The following AASDHPPT variants were observed in gnomAD, a reference collection of about 807,000 sequenced individuals.
The protein encoded by AASDHPPT is L-aminoadipate-semialdehyde dehydrogenase-phosphopantetheinyl transferase.
Under a neutral mutation model 36.4 loss-of-function variants are expected in AASDHPPT, and 23 were observed. The observed-to-expected ratio is 0.63, with a 90% CI of 0.45 to 0.89. AASDHPPT has a LOEUF of 0.89. Ranked by LOEUF, AASDHPPT falls within the 40% of genes least tolerant of loss-of-function variation. The probability of loss-of-function intolerance (pLI) is 0.00; values close to 1 mark genes in which losing one functional copy is unlikely to be tolerated. For missense variants in AASDHPPT, 377 were observed against 378.2 expected, an observed-to-expected ratio of 1.00 and a Z score of 0.03; for synonymous variants, 115 against 128.0, an observed-to-expected ratio of 0.90 and a Z score of 0.68.
At chr11:106,090,414 GT>G (rs1352660399) in intron 2 of AASDHPPT, 142 bp from the exon 3 acceptor site, 2 of 586,762 alleles carry the variant, frequency 3.4e-6, no homozygotes, top group Non-Finnish European at 5.4e-6. Flanking sequence ...CCGAGATTTT[GT>G]TTAGGATTAT....
chr11:106,088,373 C>T (rs749831564), intron 2 of AASDHPPT, among the ~76,000 whole-genome samples: 3 of 152,044 alleles, frequency 2.0e-5, no homozygotes, highest in Non-Finnish European at 4.4e-5. Flanking sequence ...TGACAAAATG[C>T]GTATCTTTTT....
At chr11:106,081,708 GGGCA>G (rs1861143036) in intron 2 of AASDHPPT, among the ~76,000 whole-genome samples, 1 of 152,046 alleles carries the variant, frequency 6.6e-6, no homozygotes, top group African/African-American at 2.4e-5. Flanking sequence ...TTAACTTGAT[GGGCA>G]GTGTTGGCTA....
At chr11:106,087,100 T>C (rs1419338615) in intron 2 of AASDHPPT, among the ~76,000 whole-genome samples, 1 of 152,208 alleles carries the variant, frequency 6.6e-6, no homozygotes, top group Non-Finnish European at 1.5e-5. Flanking sequence ...TAGGACTGCC[T>C]AAATGGTGAG....
At chr11:106,079,874 GACTT>G (rs1236412900) in intron 2 of AASDHPPT, among the ~76,000 whole-genome samples, 182 bp downstream of exon 2, 1 of 152,124 alleles carries the variant, frequency 6.6e-6, no homozygotes, top group Non-Finnish European at 1.5e-5. Context: ...AATATTTACA[GACTT>G]ACACATAAAT....
At position 106,091,228 on chromosome 11, in the gene AASDHPPT, T is replaced by C. The variant is rs972553175; in HGVS notation, c.532-88T>C. 3 of 1,203,906 alleles carry C rather than the reference T, an allele frequency of 2.5e-6. 1 individual carries two copies. Among genetic ancestry groups the C allele is most frequent in the South Asian group, 3.0e-5 (2 of 66,068 alleles). 74.6% of individuals were successfully genotyped at this position (1,203,906 alleles called of 1,614,324 possible). A position where few individuals can be genotyped will look rare whatever the true frequency, so the allele number is the denominator to read the frequency against. ...TATATAGCCATAATGTAGTATAGCA[T>C]TGAAACTCCCTATCTTTTGGACCTG... On this transcript the variant is annotated intron_variant, in intron 3 of 5. Transcript: ENST00000278618.
intron 2 of AASDHPPT, among the ~76,000 whole-genome samples, chr11:106,089,020 G>T (rs1429636904): frequency 6.6e-6 from 1 of 152,008 alleles, no homozygotes; most frequent in Non-Finnish European, 1.5e-5. Flanking sequence ...TGTGGGAAAG[G>T]TATTTGGTTA....
intron 2 of AASDHPPT, among the ~76,000 whole-genome samples, chr11:106,083,137 T>A (rs921456869): frequency 6.6e-6 from 1 of 152,136 alleles, no homozygotes; most frequent in Non-Finnish European, 1.5e-5. Context: ...GAAAACCAAG[T>A]CTCCACCCTC....
At chr11:106,090,814 G>T in intron 3 of AASDHPPT, 136 bp downstream of exon 3, 2 of 1,219,036 alleles carry the variant, frequency 1.6e-6, no homozygotes, top group South Asian at 1.8e-5. Context: ...GAATTTTATG[G>T]TTTTTATGCA....
At chr11:106,079,320 CTTAA>C (rs1485767985) in intron 1 of AASDHPPT, 143 bp from the exon 2 acceptor site, 5 of 645,382 alleles carry the variant, frequency 7.7e-6, no homozygotes, top group East Asian at 5.9e-5. Flanking sequence ...TTGCTTAAGT[CTTAA>C]TTAACGTGTG....
chr11:106,084,597 C>T (rs747011606), intron 2 of AASDHPPT, among the ~76,000 whole-genome samples: 1 of 151,820 alleles, frequency 6.6e-6, no homozygotes, highest in Admixed American at 6.6e-5. Context: ...AGCCACTGTG[C>T]CCAGCCAATA....
intron 1 of AASDHPPT, 131 bp downstream of exon 1, chr11:106,078,024 C>G: frequency 8.4e-7 from 1 of 1,191,066 alleles, no homozygotes; most frequent in South Asian, 1.6e-5. Flanking sequence ...CCGGCCCGGG[C>G]GACAGCAGCC....
chr11:106,096,560 T>A (rs1861316170), intron 5 of AASDHPPT, 183 bp from the exon 6 acceptor site: 1 of 437,664 alleles, frequency 2.3e-6, no homozygotes, highest in African/African-American at 2.1e-5. Context: ...TCTATTTCAT[T>A]TTTTTTTGAT....
chr11:106,085,242 C>T (rs557959440), intron 2 of AASDHPPT, among the ~76,000 whole-genome samples: 1 of 152,250 alleles, frequency 6.6e-6, no homozygotes. Context: ...GCTGGGACTA[C>T]AGGCACTTGC....
intron 4 of AASDHPPT, chr11:106,093,454 G>A (rs1032566401): frequency 1.3e-5 from 2 of 151,950 alleles, no homozygotes; most frequent in Admixed American, 1.3e-4. Context: ...AACAGAACAG[G>A]GCTACATAGC....
At position 106,079,703 on chromosome 11, in the gene AASDHPPT, A is replaced by T. The variant is rs1861113907; in HGVS notation, c.409+11A>T. The T allele has an allele frequency of 6.2e-7, 1 of 1,610,630 alleles. No individual in the cohort carries two copies. Among genetic ancestry groups the T allele is most frequent in the Admixed American group, 1.7e-5 (1 of 59,980 alleles). On this transcript the variant is annotated intron_variant, in intron 2 of 5. Coordinates refer to ENST00000278618, the MANE Select transcript of AASDHPPT (RefSeq NM_015423.3). ...AGACTAGTTTTCCAGGTAACGTTGC[A>T]TTTTTCTAGTATGGCAGTTAAGTGT...
At chr11:106,086,736 G>A (rs1185959306) in intron 2 of AASDHPPT, among the ~76,000 whole-genome samples, 1 of 152,022 alleles carries the variant, frequency 6.6e-6, no homozygotes. Context: ...GATCCTTCTT[G>A]GGGCAAAATT....
rs1739000709 is a variant in AASDHPPT, at chr11:106,078,030, C to A, written c.183+137C>A. On this transcript the variant is annotated intron_variant, in intron 1 of 5. Transcript: ENST00000278618. ...AGCCTGTGGCCGGCCCGGGCGACAG[C>A]AGCCGGCGCTGCGGAGTTGTGGGCG... The A allele has an allele frequency of 3.4e-6, 4 of 1,171,328 alleles. No homozygotes were observed. In the African/African-American group the frequency reaches 6.2e-5, roughly 18 times the overall value. 72.6% of individuals were successfully genotyped at this position (1,171,328 alleles called of 1,614,324 possible).
In AASDHPPT at chr11:106,091,584, C is replaced by T. The variant is rs945496360; in HGVS notation, c.693+107C>T. The T allele has an allele frequency of 5.8e-5, 64 of 1,099,638 alleles. No homozygotes were observed. The African/African-American group carries it at 9.3e-4, about 16-fold the overall frequency. 68.1% of individuals were successfully genotyped at this position (1,099,638 alleles called of 1,614,324 possible). A position where few individuals can be genotyped will look rare whatever the true frequency, so the allele number is the denominator to read the frequency against. ...CACTGAATTTGGACGCAACTGAATC[C>T]AGTCCTGCTGCTCTGAAAGTGAAAT... On this transcript the variant is annotated intron_variant, in intron 4 of 5. Transcript: ENST00000278618.
At chr11:106,081,425 T>C (rs1861140363) in intron 2 of AASDHPPT, among the ~76,000 whole-genome samples, 1 of 152,236 alleles carries the variant, frequency 6.6e-6, no homozygotes, top group South Asian at 2.1e-4. Context: ...GATATGCACA[T>C]GTGCATTTTT....
Sources: allele counts gnomAD v4.1 joint callset (sites outside exome capture counted in the v4.1 genomes callset), GRCh38; gene constraint gnomAD v4.1.1; transcripts MANE v1.5; gene names NCBI Gene and HGNC (gene_info 2026-07-23, HGNC 2026-07-21).